The following OR9K2 variants were observed in gnomAD, a reference collection of about 807,000 sequenced individuals.
OR9K2 encodes olfactory receptor family 9 subfamily K member 2, also known as olfactory receptor 9K2.
In OR9K2, 16 loss-of-function variants were observed where a neutral mutation model predicts 12.4. The observed-to-expected ratio is 1.29, with a 90% CI of 0.87 to 1.95. The LOEUF (loss-of-function observed/expected upper bound fraction) is 1.95. OR9K2 is among the 30% of genes most tolerant of loss of function. The pLI, the probability that OR9K2 is intolerant of heterozygous loss-of-function variation, is 0.00. For synonymous variants in OR9K2, 133 were observed against 133.2 expected (o/e 1.00, Z 0.01); for missense variants, 434 against 376.5 (o/e 1.15, Z -1.26).
In OR9K2 at chr12:55,131,010, G is replaced by T; in HGVS notation, c.*234G>T. 1 of 340,372 alleles carries T rather than the reference G, an allele frequency of 2.9e-6. No individual in the cohort carries two copies. Among genetic ancestry groups the T allele is most frequent in the South Asian group, 5.4e-5 (1 of 18,524 alleles). 21.1% of individuals were successfully genotyped at this position (340,372 alleles called of 1,614,324 possible). Reference sequence around the variant, plus strand: ...ATTTTCATGATAAACCCTCTCACTGGTCTTCAACATTTTATTTCACAGAAT... The same window carrying T: ...ATTTTCATGATAAACCCTCTCACTGTTCTTCAACATTTTATTTCACAGAAT... On this transcript the variant is annotated 3_prime_UTR_variant, in exon 3 of 3. Transcript: ENST00000641329.
chr12:55,130,274 T>C lies in OR9K2; in HGVS notation c.440T>C (p.Leu147Ser). ...ATGTCCACACGTCTGTGTACTCAGTTGGTGGCTGGTTCCTATTTTTGTGGC... is the reference window on the plus strand; with the variant it reads ...ATGTCCACACGTCTGTGTACTCAGTCGGTGGCTGGTTCCTATTTTTGTGGC... ...VQMSTRLCTQ[L>S]VAGSYFCGCI... The change falls in exon 3 of 3, where the codon TTG becomes TCG. Residue 147 changes from leucine to serine, a missense_variant. Coordinates refer to ENST00000641329, the MANE Select transcript of OR9K2 (RefSeq NM_001005243.2). 5 of 1,613,976 alleles carry C rather than the reference T, an allele frequency of 3.1e-6. No homozygotes were observed. The highest frequency in any genetic ancestry group is 2.2e-5 in the East Asian group (1 of 44,810).
Position 55,126,852 on chromosome 12 carries a change from A to G in OR9K2, c.-69A>G, listed in dbSNP as rs1953432417. The G allele has an allele frequency of 6.6e-6, 1 of 152,080 alleles. No individual in the cohort carries two copies. The highest frequency in any genetic ancestry group is 2.4e-5 in the African/African-American group (1 of 41,428). The allele number at this position is 152,080 out of a possible 1,614,324, so 9.4% of individuals were successfully genotyped here. A position where few individuals can be genotyped will look rare whatever the true frequency, so the allele number is the denominator to read the frequency against. On this transcript the variant is annotated 5_prime_UTR_variant, in exon 2 of 3. Coordinates refer to ENST00000641329, the MANE Select transcript of OR9K2 (RefSeq NM_001005243.2). Reference sequence around the variant, plus strand: ...GAATTAAAACAATAAACAGAGGAAAACATTGGAACTCTGCTGATTGATTTT... The same window carrying G: ...GAATTAAAACAATAAACAGAGGAAAGCATTGGAACTCTGCTGATTGATTTT...
rs1953469093 is a variant in OR9K2 at position 55,130,965 on chromosome 12, A to T, written c.*189A>T. 2 of 475,346 alleles carry T rather than the reference A, an allele frequency of 4.2e-6. No individual in the cohort carries two copies. The highest frequency in any genetic ancestry group is 7.4e-6 in the Non-Finnish European group (2 of 269,718). The allele number at this position is 475,346 out of a possible 1,614,324, so 29.4% of individuals were successfully genotyped here. On this transcript the variant is annotated 3_prime_UTR_variant, in exon 3 of 3. Transcript: ENST00000641329. ...TCTGAAAATCTTGGATATTGGAGAT[A>T]TCCTGGACATTAGAGAAGTATTTTC...
At chr12:55,129,605 A>G (rs772582230) in intron 2 of OR9K2, 16 of 601,322 alleles carry the variant, frequency 2.7e-5, no homozygotes, top group South Asian at 4.5e-5. Flanking sequence ...CAGAGGCAAA[A>G]AACCTAACTC....
Position 55,130,212 on chromosome 12 carries a change from T to C in OR9K2, c.378T>C (p.Phe126=), listed in dbSNP as rs748697407. The C allele has an allele frequency of 2.5e-6, 4 of 1,614,142 alleles. No individual in the cohort carries two copies. The highest frequency in any genetic ancestry group is 4.5e-5 in the East Asian group (2 of 44,882). ...FLLAAMAYDR[F]IAICNPLLYS... ...TGGCGGCCATGGCTTATGACCGCTTTATTGCCATCTGCAACCCTCTGCTCT... is the reference window on the plus strand; with the variant it reads ...TGGCGGCCATGGCTTATGACCGCTTCATTGCCATCTGCAACCCTCTGCTCT... Residue 126 remains phenylalanine (F), a synonymous_variant, in exon 3 of 3, where the codon TTT becomes TTC. Transcript: ENST00000641329.
Position 55,126,864 on chromosome 12 carries a change from T to C in OR9K2, c.-57T>C, listed in dbSNP as rs1953432505. On this transcript the variant is annotated 5_prime_UTR_variant, in exon 2 of 3. Coordinates refer to ENST00000641329, the MANE Select transcript of OR9K2 (RefSeq NM_001005243.2). ...TAAACAGAGGAAAACATTGGAACTCTGCTGATTGATTTTTACCAGAATCTG... is the reference window on the plus strand; with the variant it reads ...TAAACAGAGGAAAACATTGGAACTCCGCTGATTGATTTTTACCAGAATCTG... 1 of 152,082 alleles carries C rather than the reference T, an allele frequency of 6.6e-6. No individual in the cohort carries two copies. Among genetic ancestry groups the C allele is most frequent in the African/African-American group, 2.4e-5 (1 of 41,442 alleles). 9.4% of individuals were successfully genotyped at this position (152,082 alleles called of 1,614,324 possible). A position where few individuals can be genotyped will look rare whatever the true frequency, so the allele number is the denominator to read the frequency against.
In OR9K2 at chr12:55,129,853, A is replaced by G; in HGVS notation, c.19A>G (p.Ser7Gly). 3.7e-6 allele frequency: 6 copies of G among 1,613,796 alleles called. No homozygotes were observed. The highest frequency in any genetic ancestry group is 4.2e-6 in the Non-Finnish European group (5 of 1,179,746). ...TTCTACCATGGGTGACAGGGGAACA[A>G]GCAATCACTCAGAAATGACTGACTT... is the stretch of plus-strand genomic sequence containing the variant. MGDRGTSNHSEMTDFIL... is the reference protein window; with the variant it reads MGDRGTGNHSEMTDFIL... Residue 7 changes from serine to glycine, a missense_variant, in exon 3 of 3, where the codon AGC becomes GGC. Ser to Gly is a moderately conservative substitution (Grantham distance 56). Coordinates refer to ENST00000641329, the MANE Select transcript of OR9K2 (RefSeq NM_001005243.2).
chr12:55,130,571 C>T lies in OR9K2; in HGVS notation c.737C>T (p.Ser246Phe). 1 of 1,613,900 alleles carries T rather than the reference C, an allele frequency of 6.2e-7. No individual in the cohort carries two copies. Residue 246 changes from serine (S) to phenylalanine (F), a missense_variant, in exon 3 of 3, where the codon TCT (serine) becomes TTT (phenylalanine). By Grantham distance (155) the Ser-to-Phe change is radical (BLOSUM62 -2). Coordinates refer to ENST00000641329, the MANE Select transcript of OR9K2 (RefSeq NM_001005243.2). Reference protein sequence around the residue: ...GHKKAFSTCSSHLGVVSVLYG... With the variant: ...GHKKAFSTCSFHLGVVSVLYG... ...AAGAAGGCCTTCTCCACCTGCAGCT[C>T]TCACCTGGGAGTTGTGAGTGTGCTG... is the stretch of plus-strand genomic sequence containing the variant.
At chr12:55,129,798 G>T in intron 2 of OR9K2, 28 bp from the exon 3 acceptor site, 1 of 1,592,940 alleles carries the variant, frequency 6.3e-7, no homozygotes, top group Non-Finnish European at 8.5e-7. Context: ...GAGTTCATTT[G>T]TATATTTTGC....
At chr12:55,127,120 A>T (rs917781932) in intron 2 of OR9K2, among the ~76,000 whole-genome samples, 2 of 151,892 alleles carry the variant, frequency 1.3e-5, no homozygotes, top group Non-Finnish European at 2.9e-5. Context: ...CTGATTCCAC[A>T]TACTCATTAT....
rs761378085 is a variant in OR9K2 at position 55,129,973 on chromosome 12, G to A, written c.139G>A (p.Gly47Arg). 2 of 1,613,888 alleles carry A rather than the reference G, an allele frequency of 1.2e-6. No homozygotes were observed. Among genetic ancestry groups the A allele is most frequent in the Non-Finnish European group, 1.7e-6 (2 of 1,179,908 alleles). ...TGCCATGATCCTTCTAGGGAATGTT[G>A]GGATGATGACCATTATTATGACTGA... Reference protein sequence around the residue: ...VYAMILLGNVGMMTIIMTDPR... With the variant: ...VYAMILLGNVRMMTIIMTDPR... The change falls in exon 3 of 3, where the codon GGG (glycine) becomes AGG (arginine). Residue 47 changes from glycine (G) to arginine (R), a missense_variant. Gly to Arg is a moderately radical substitution (Grantham distance 125). Coordinates refer to ENST00000641329, the MANE Select transcript of OR9K2 (RefSeq NM_001005243.2).
intron 2 of OR9K2, among the ~76,000 whole-genome samples, chr12:55,129,372 T>C (rs1397236637): frequency 6.6e-6 from 1 of 152,098 alleles, no homozygotes; most frequent in African/African-American, 2.4e-5. Context: ...TACTCCAAAT[T>C]AAGTCTCTGT....
rs909943348 is a variant in OR9K2, at chr12:55,132,621, C to T, written c.*1845C>T. ...AAAATTAATTTCTGTTGTTTAAGAA[C>T]CCAGTGTGTGGTGTTTTGTTATGGG... On this transcript the variant is annotated 3_prime_UTR_variant, in exon 3 of 3. Transcript: ENST00000641329. The T allele has an allele frequency of 6.6e-6, 1 of 152,144 alleles. No homozygotes were observed. The highest frequency in any genetic ancestry group is 1.5e-5 in the Non-Finnish European group (1 of 68,022). The allele number at this position is 152,144 out of a possible 1,614,324, so 9.4% of individuals were successfully genotyped here. A position where few individuals can be genotyped will look rare whatever the true frequency, so the allele number is the denominator to read the frequency against.
At position 55,130,375 on chromosome 12, in the gene OR9K2, T is replaced by A; in HGVS notation, c.541T>A (p.Tyr181Asn). The change falls in exon 3 of 3, where the codon TAC (tyrosine) becomes AAC (asparagine). Residue 181 changes from tyrosine (Y) to asparagine (N), a missense_variant. Coordinates refer to ENST00000641329, the MANE Select transcript of OR9K2 (RefSeq NM_001005243.2). Reference protein sequence around the residue: ...FCASRAVDHFYCDSRPLQRLS... With the variant: ...FCASRAVDHFNCDSRPLQRLS... ...CGCTTCTCGGGCTGTTGACCACTTTTACTGTGATTCTCGCCCACTTCAGAG... is the reference window on the plus strand; with the variant it reads ...CGCTTCTCGGGCTGTTGACCACTTTAACTGTGATTCTCGCCCACTTCAGAG... The A allele has an allele frequency of 6.2e-7, 1 of 1,614,086 alleles. No homozygotes were observed. Among genetic ancestry groups the A allele is most frequent in the Non-Finnish European group, 8.5e-7 (1 of 1,179,980 alleles).
rs1953481349 is a variant in OR9K2 at position 55,132,441 on chromosome 12, GCA to G, written c.*1670_*1671del. On this transcript the variant is annotated 3_prime_UTR_variant, in exon 3 of 3. Coordinates refer to ENST00000641329, the MANE Select transcript of OR9K2 (RefSeq NM_001005243.2). ...GTCCCTATAGAAAGAGGAGATTAGG[GCA>G]CACAGAGGGACACCAGGGGTGCATG... 6.6e-6 allele frequency: 1 copy of G among 152,206 alleles called. No individual in the cohort carries two copies. The highest frequency in any genetic ancestry group is 1.5e-5 in the Non-Finnish European group (1 of 68,052). 9.4% of individuals were successfully genotyped at this position (152,206 alleles called of 1,614,324 possible). A position where few individuals can be genotyped will look rare whatever the true frequency, so the allele number is the denominator to read the frequency against.
At position 55,130,751 on chromosome 12, in the gene OR9K2, T is replaced by C. The variant is rs1953467507; in HGVS notation, c.917T>C (p.Leu306Pro). The C allele has an allele frequency of 1.3e-6, 2 of 1,564,408 alleles. No individual in the cohort carries two copies. Among genetic ancestry groups the C allele is most frequent in the Non-Finnish European group, 1.7e-6 (2 of 1,150,056 alleles). Residue 306 changes from leucine (L) to proline (P), a missense_variant, in exon 3 of 3, where the codon CTA (leucine) becomes CCA (proline). Physicochemically the swap from Leu to Pro is moderately conservative, Grantham distance 98 (BLOSUM62 -3). Coordinates refer to ENST00000641329, the MANE Select transcript of OR9K2 (RefSeq NM_001005243.2). ...GTCCAAGAGGCTCTAAAAAAATTTC[T>C]AGAGAAGAAAAATATTATTCTTTGA... ...KDVQEALKKF[L>P]EKKNIIL
intron 2 of OR9K2, among the ~76,000 whole-genome samples, chr12:55,127,924 C>G (rs1953439899): frequency 6.6e-6 from 1 of 151,974 alleles, no homozygotes; most frequent in African/African-American, 2.4e-5. Flanking sequence ...TATGAGAATA[C>G]AGTAGCATAG....
Position 55,130,805 on chromosome 12 carries a change from G to T in OR9K2, c.*29G>T, listed in dbSNP as rs1953467908. ...TTATTTCTCTTTCACCAATTTTATTGTGGCTATTTATTTAATACACCTGTG... is the reference window on the plus strand; with the variant it reads ...TTATTTCTCTTTCACCAATTTTATTTTGGCTATTTATTTAATACACCTGTG... On this transcript the variant is annotated 3_prime_UTR_variant, in exon 3 of 3. Coordinates refer to ENST00000641329, the MANE Select transcript of OR9K2 (RefSeq NM_001005243.2). The T allele has an allele frequency of 2.3e-6, 3 of 1,326,608 alleles. No individual in the cohort carries two copies. Among genetic ancestry groups the T allele is most frequent in the East Asian group, 4.7e-5 (2 of 42,310 alleles). 82.2% of individuals were successfully genotyped at this position (1,326,608 alleles called of 1,614,324 possible).
Position 55,132,555 on chromosome 12 carries a change from G to A in OR9K2, c.*1779G>A, listed in dbSNP as rs1953482113. 1.3e-5 allele frequency: 2 copies of A among 152,230 alleles called. No homozygotes were observed. The highest frequency in any genetic ancestry group is 1.3e-4 in the Admixed American group (2 of 15,270). 9.4% of individuals were successfully genotyped at this position (152,230 alleles called of 1,614,324 possible). ...AGAGGGCTCAGAGAAAACCAACTCT[G>A]CTGACACCTTGATCTTGGGCTTCCA... On this transcript the variant is annotated 3_prime_UTR_variant, in exon 3 of 3. Coordinates refer to ENST00000641329, the MANE Select transcript of OR9K2 (RefSeq NM_001005243.2).
Sources: allele counts gnomAD v4.1 joint callset (sites outside exome capture counted in the v4.1 genomes callset), GRCh38; gene constraint gnomAD v4.1.1; transcripts MANE v1.5; gene names NCBI Gene and HGNC (gene_info 2026-07-23, HGNC 2026-07-21).